Variants in NRP2 observed in about 807,000 individuals in gnomAD.
NRP2 encodes the protein neuropilin 2, also known as neuropilin-2.
A neutral mutation model predicts 110.4 loss-of-function variants in NRP2; 52 were observed. That is an observed-to-expected ratio of 0.47 (90% CI 0.38 to 0.59). The LOEUF is 0.59. NRP2 is among the 20% of genes least tolerant of loss of function. The pLI is 0.00. For missense variants in NRP2, 1,049 were observed against 1,203.0 expected (o/e 0.87, Z 1.89); for synonymous variants, 508 against 468.9 (o/e 1.08, Z -1.08).
chr2:205,709,211 G>T (rs749424068), intron 2 of NRP2, among the ~76,000 whole-genome samples: 32 of 152,168 alleles, frequency 2.1e-4, no homozygotes, highest in Non-Finnish European at 7.3e-5. Flanking sequence ...TTGTGCAGGG[G>T]GATGATTTTT....
chr2:205,768,289 C>G (rs1268592291), intron 15 of NRP2: 1 of 152,150 alleles, frequency 6.6e-6, no homozygotes, highest in Non-Finnish European at 1.5e-5. Context: ...CCAAACTGAA[C>G]GACTTTGGAT....
chr2:205,784,996 G>A (rs559905939), intron 15 of NRP2, among the ~76,000 whole-genome samples: 3 of 152,158 alleles, frequency 2.0e-5, no homozygotes, highest in Non-Finnish European at 4.4e-5. Flanking sequence ...GGCAGAGAGA[G>A]GTACATTTTT....
chr2:205,751,527 T>C (rs138927725), intron 11 of NRP2, among the ~76,000 whole-genome samples: 3 of 152,312 alleles, frequency 2.0e-5, no homozygotes, highest in Non-Finnish European at 2.9e-5. Context: ...GCTTCTGTAA[T>C]AGATTCCATG....
chr2:205,733,938 G>A (rs1176375235), intron 7 of NRP2, among the ~76,000 whole-genome samples: 5 of 152,074 alleles, frequency 3.3e-5, no homozygotes, highest in South Asian at 2.1e-4. Context: ...TAAATCTAGC[G>A]GGCCCCGCAG....
chr2:205,764,009 G>A, intron 13 of NRP2, 73 bp downstream of exon 13: 1 of 1,582,920 alleles, frequency 6.3e-7, no homozygotes, highest in South Asian at 1.1e-5. Context: ...TCATCGTTAG[G>A]GAACGTGGTT....
intron 2 of NRP2, among the ~76,000 whole-genome samples, chr2:205,711,631 G>T (rs1247706020): frequency 1.1e-4 from 16 of 152,196 alleles, no homozygotes. Flanking sequence ...GTGAAAGGAG[G>T]CCTTGCTTGG....
At chr2:205,761,856 G>A (rs1305557428) in intron 12 of NRP2, 1 of 152,218 alleles carries the variant, frequency 6.6e-6, no homozygotes, top group East Asian at 1.9e-4. Flanking sequence ...TGCAAAGTAA[G>A]GTTAGTAAGT....
chr2:205,743,066 C>T (rs1462947474), intron 8 of NRP2, 137 bp from the exon 9 acceptor site: 4 of 1,533,834 alleles, frequency 2.6e-6, no homozygotes, highest in African/African-American at 1.4e-5. Context: ...GTGCTGTACA[C>T]ATTCACCATG....
At chr2:205,770,422 T>C (rs1352356073) in intron 15 of NRP2, among the ~76,000 whole-genome samples, 1 of 152,130 alleles carries the variant, frequency 6.6e-6, no homozygotes, top group Admixed American at 6.5e-5. Flanking sequence ...CATTTGACTC[T>C]ATTCCTTAGG....
At chr2:205,785,459 C>T (rs772177072) in intron 15 of NRP2, among the ~76,000 whole-genome samples, 2 of 152,142 alleles carry the variant, frequency 1.3e-5, no homozygotes, top group Non-Finnish European at 2.9e-5. Context: ...TTTTTCCCAC[C>T]CTCATGCCCT....
chr2:205,716,937 T>A (rs1025246902), intron 3 of NRP2, among the ~76,000 whole-genome samples: 2 of 152,156 alleles, frequency 1.3e-5, no homozygotes, highest in Admixed American at 1.3e-4. Context: ...TAAATGCCAA[T>A]GAACTTGACT....
Position 205,683,005 on chromosome 2 carries a change from G to A in NRP2, c.-286G>A. The A allele has an allele frequency of 2.4e-6, 1 of 408,490 alleles. No individual in the cohort carries two copies. Among genetic ancestry groups the A allele is most frequent in the South Asian group, 2.9e-5 (1 of 34,684 alleles). The allele number at this position is 408,490 out of a possible 1,614,324, so 25.3% of individuals were successfully genotyped here. A position where few individuals can be genotyped will look rare whatever the true frequency, so the allele number is the denominator to read the frequency against. The stretch of plus-strand genomic sequence containing the variant: ...TAGGATAAAGGAAATGACACTTTGA[G>A]GAACTGGAGAGAACATATATGCGTT... On this transcript the variant is annotated 5_prime_UTR_variant, in exon 1 of 17. Coordinates refer to ENST00000357785, the MANE Select transcript of NRP2 (RefSeq NM_003872.3).
chr2:205,743,450 T>G lies in NRP2; in HGVS notation c.1539T>G (p.Thr513=). Residue 513 remains threonine, a synonymous_variant, in exon 9 of 17, where the codon ACT becomes ACG. Coordinates refer to ENST00000357785, the MANE Select transcript of NRP2 (RefSeq NM_003872.3). ...GAGCCCGCGGAGGAGACAGTATCAC[T>G]GCTGTGGAAGCCAGAGCATTTGTGC... ...IQGARGGDSI[T]AVEARAFVRK... 3.1e-6 allele frequency: 5 copies of G among 1,614,212 alleles called. No homozygotes were observed. Among genetic ancestry groups the G allele is most frequent in the Non-Finnish European group, 4.2e-6 (5 of 1,180,050 alleles).
In NRP2 at chr2:205,782,696, G is replaced by A. The variant is rs2058188452; in HGVS notation, c.2426-9539G>A. ...AGCACAGTGTTTGCTTACTATATTG[G>A]ATGACTTGCTTCTTTTCATTTGACA... On this transcript the variant is annotated intron_variant, in intron 15 of 16. Transcript: ENST00000357785. Among the ~76,000 whole-genome samples the A allele has an allele frequency of 2.6e-5, 4 of 152,116 alleles. No individual in the cohort carries two copies. The South Asian group carries it at 8.3e-4, about 31-fold the overall frequency.
chr2:205,708,784 C>T (rs939192841), intron 2 of NRP2, among the ~76,000 whole-genome samples: 2 of 152,000 alleles, frequency 1.3e-5, no homozygotes, highest in Admixed American at 1.3e-4. Context: ...CCATGGTGAC[C>T]CTGGTTGTGA....
chr2:205,776,454 C>T, intron 15 of NRP2: 1 of 1,612,902 alleles, frequency 6.2e-7, no homozygotes, highest in Non-Finnish European at 8.5e-7. Context: ...CCCACTACAC[C>T]AACGGGGCCC....
chr2:205,777,778 C>T (rs2058122794), intron 15 of NRP2: 1 of 152,198 alleles, frequency 6.6e-6, no homozygotes. Context: ...GTCCACCTGA[C>T]TTATTTAAAT....
In NRP2 at chr2:205,740,571, C is replaced by T. The variant is rs1384781458; in HGVS notation, c.1199C>T (p.Ala400Val). ...ATEVVLNKLHAPLLTRFVRIR... is the reference protein window; with the variant it reads ...ATEVVLNKLHVPLLTRFVRIR... ...GAGGTGGTTCTGAACAAGCTCCACG[C>T]TCCACTGCTGACAAGGTTTGTTAGA... Residue 400 changes from alanine to valine, a missense_variant, in exon 8 of 17, where the codon GCT becomes GTT. By Grantham distance (64) the Ala-to-Val change is moderately conservative. Coordinates refer to ENST00000357785, the MANE Select transcript of NRP2 (RefSeq NM_003872.3). The T allele has an allele frequency of 9.3e-6, 15 of 1,614,230 alleles. No homozygotes were observed. The highest frequency in any genetic ancestry group is 1.3e-5 in the Non-Finnish European group (15 of 1,180,034).
intron 1 of NRP2, among the ~76,000 whole-genome samples, chr2:205,693,056 C>A (rs2056346882): frequency 6.6e-6 from 1 of 152,192 alleles, no homozygotes; most frequent in South Asian, 2.1e-4. Context: ...GGCAAGGTGA[C>A]AACCTCCTTT....
Sources: allele counts gnomAD v4.1 joint callset (sites outside exome capture counted in the v4.1 genomes callset), GRCh38; gene constraint gnomAD v4.1.1; transcripts MANE v1.5; gene names NCBI Gene and HGNC (gene_info 2026-07-23, HGNC 2026-07-21).